The following ADGRB1 variants were observed in gnomAD, a reference collection of about 807,000 sequenced individuals.
ADGRB1 encodes the protein brain-specific angiogenesis inhibitor 1.
A neutral mutation model predicts 175.7 loss-of-function variants in ADGRB1; 36 were observed. The observed-to-expected ratio is 0.20, with a 90% CI of 0.16 to 0.27. The LOEUF (loss-of-function observed/expected upper bound fraction) is 0.27. Among genes scored for constraint, ADGRB1 ranks in the 10% least tolerant of loss-of-function variants. The probability of loss-of-function intolerance (pLI) is 1.00; values close to 1 mark genes in which losing one functional copy is unlikely to be tolerated. For synonymous variants in ADGRB1, 1,054 were observed against 979.4 expected, an observed-to-expected ratio of 1.08 and a Z score of -1.42; for missense variants, 1,731 against 2,255.3, an observed-to-expected ratio of 0.77 and a Z score of 4.71.
At chr8:142,484,086 G>T (rs772811409) in intron 12 of ADGRB1, 41 bp downstream of exon 12, 20 of 1,571,972 alleles carry the variant, frequency 1.3e-5, no homozygotes, top group Non-Finnish European at 1.7e-5. Context: ...CTCAGGAGGG[G>T]TGCAGGCACA....
rs374154691 is a variant in ADGRB1, at chr8:142,478,231, G to T, written c.1432G>T (p.Ala478Ser). 7 of 1,607,752 alleles carry T rather than the reference G, an allele frequency of 4.4e-6. No homozygotes were observed. The highest frequency in any genetic ancestry group is 5.1e-6 in the Non-Finnish European group (6 of 1,177,890). ...GNWNEWSSWS[A>S]CSASCSQGRQ... Reference sequence around the variant, plus strand: ...CTGGAATGAGTGGTCGAGCTGGAGCGCCTGCTCCGCCAGCTGCTCCCAGGG... The same window carrying T: ...CTGGAATGAGTGGTCGAGCTGGAGCTCCTGCTCCGCCAGCTGCTCCCAGGG... The change falls in exon 7 of 31, where the codon GCC (alanine) becomes TCC (serine). Residue 478 changes from alanine to serine, a missense_variant. Physicochemically the swap from Ala to Ser is moderately conservative, Grantham distance 99. Transcript: ENST00000517894.
chr8:142,522,803 C>T (rs569261698), intron 22 of ADGRB1, 93 bp downstream of exon 22: 9 of 1,276,820 alleles, frequency 7.0e-6, no homozygotes, highest in Non-Finnish European at 9.3e-6. Flanking sequence ...ATGCCCTCCC[C>T]CCGTGTGACC....
intron 17 of ADGRB1, among the ~76,000 whole-genome samples, chr8:142,509,216 C>A (rs1842964997): frequency 6.6e-6 from 1 of 152,206 alleles, no homozygotes. Flanking sequence ...GACATGGGCA[C>A]TGGTGACCCA....
chr8:142,484,532 G>C (rs886374641), intron 12 of ADGRB1, 124 bp from the exon 13 acceptor site: 1 of 1,018,782 alleles, frequency 9.8e-7, no homozygotes, highest in Non-Finnish European at 1.4e-6. Flanking sequence ...GAGGTCACCA[G>C]CCCCACTTCC....
At chr8:142,520,291 G>A (rs1843716399) in intron 19 of ADGRB1, among the ~76,000 whole-genome samples, 1 of 127,920 alleles carries the variant, frequency 7.8e-6, no homozygotes, top group African/African-American at 2.8e-5. Context: ...TGATTGTGAT[G>A]ATGATAGTGG....
intron 16 of ADGRB1, among the ~76,000 whole-genome samples, chr8:142,490,224 G>C (rs1007815503): frequency 7.9e-5 from 12 of 152,200 alleles, no homozygotes; most frequent in African/African-American, 2.9e-4. Context: ...AATAGGGCTG[G>C]GTGAGGACTG....
At chr8:142,531,989 G>A (rs1391539184) in intron 24 of ADGRB1, among the ~76,000 whole-genome samples, 2 of 152,152 alleles carry the variant, frequency 1.3e-5, no homozygotes, top group Non-Finnish European at 2.9e-5. Flanking sequence ...GGAGCAGAGC[G>A]TGTGGTTTTG....
At position 142,537,163 on chromosome 8, in the gene ADGRB1, C is replaced by T; in HGVS notation, c.3666+81C>T. 1 of 1,144,216 alleles carries T rather than the reference C, an allele frequency of 8.7e-7. No homozygotes were observed. Among genetic ancestry groups the T allele is most frequent in the Non-Finnish European group, 1.2e-6 (1 of 854,248 alleles). 70.9% of individuals were successfully genotyped at this position (1,144,216 alleles called of 1,614,324 possible). On this transcript the variant is annotated intron_variant, in intron 26 of 30. Transcript: ENST00000517894. The surrounding 1 kb of genome is among the most constrained non-coding windows in gnomAD (Gnocchi z 4.6). ...AGTGCCTCCAGGCCCTCACCGTGCC[C>T]CAAGCTCCCCTAGGCCCCAGCAACC...
At position 142,537,043 on chromosome 8, in the gene ADGRB1, C is replaced by T; in HGVS notation, c.3627C>T (p.Asp1209=). The T allele has an allele frequency of 6.3e-7, 1 of 1,584,276 alleles. No individual in the cohort carries two copies. Among genetic ancestry groups the T allele is most frequent in the Non-Finnish European group, 8.6e-7 (1 of 1,165,672 alleles). ...VVDRQEEGNG[D]SGGSFQNGHA... Reference sequence around the variant, plus strand: ...ACCGGCAGGAGGAGGGCAACGGGGACTCAGGGGGCTCCTTCCAGAACGGCC... The same window carrying T: ...ACCGGCAGGAGGAGGGCAACGGGGATTCAGGGGGCTCCTTCCAGAACGGCC... Residue 1209 remains aspartate, a synonymous_variant, in exon 26 of 31, where the codon GAC becomes GAT. Transcript: ENST00000517894. The surrounding 1 kb of genome is among the most constrained non-coding windows in gnomAD (Gnocchi z 4.6).
intron 24 of ADGRB1, among the ~76,000 whole-genome samples, chr8:142,528,782 C>T (rs1306075517): frequency 3.3e-5 from 5 of 152,216 alleles, no homozygotes; most frequent in Admixed American, 2.6e-4. Flanking sequence ...CCACTCCCGT[C>T]CCCCCGATCC....
rs114218986 is a variant in ADGRB1, at chr8:142,470,437, G to T, written c.785-5037G>T. 1.9e-3 allele frequency among the ~76,000 whole-genome samples: 293 copies of T among 151,630 alleles called. 4 individuals are homozygous for T. Among genetic ancestry groups the T allele is most frequent in the African/African-American group, 6.8e-3 (283 of 41,326 alleles). The stretch of plus-strand genomic sequence containing the variant: ...TATGTGTCCCCGTGTGGTGTGTGTG[G>T]AGCCATTTTTTGCACAAGGAGGGAC... On this transcript the variant is annotated intron_variant, in intron 2 of 30. Coordinates refer to ENST00000517894, the MANE Select transcript of ADGRB1 (RefSeq NM_001702.3).
rs182569733 is a variant in ADGRB1 at position 142,455,151 on chromosome 8, G to T, written c.-220+5047G>T. Among the ~76,000 whole-genome samples the T allele has an allele frequency of 6.5e-5, 6 of 92,388 alleles. No individual in the cohort carries two copies. In the Admixed American group the frequency reaches 7.2e-4, roughly 11 times the overall value. The allele number at this position is 92,388 out of a possible 152,430, so 60.6% of individuals were successfully genotyped here. A position where few individuals can be genotyped will look rare whatever the true frequency, so the allele number is the denominator to read the frequency against. On this transcript the variant is annotated intron_variant, in intron 1 of 30. Transcript: ENST00000517894. The surrounding 1 kb of genome is among the most constrained non-coding windows in gnomAD (Gnocchi z 4.9). Reference sequence around the variant, plus strand: ...CATTGCCCCCGAGGCTACCTCAGCCGCACCCTGCCGCCGGCACCACACTGC... The same window carrying T: ...CATTGCCCCCGAGGCTACCTCAGCCTCACCCTGCCGCCGGCACCACACTGC...
In ADGRB1 at chr8:142,539,495, C is replaced by T. The variant is rs934810091; in HGVS notation, c.3706+82C>T. The stretch of plus-strand genomic sequence containing the variant: ...TCCACGCCTCCGCCTGTGCCTCCCC[C>T]ACATCACCCATCCCTGTCCACTCCT... On this transcript the variant is annotated intron_variant, in intron 27 of 30. Transcript: ENST00000517894. 6 of 1,505,042 alleles carry T rather than the reference C, an allele frequency of 4.0e-6. No individual in the cohort carries two copies. The African/African-American group carries it at 5.5e-5, about 14-fold the overall frequency. The allele number at this position is 1,505,042 out of a possible 1,614,324, so 93.2% of individuals were successfully genotyped here.
chr8:142,491,350 A>G (rs1196340243), intron 17 of ADGRB1, among the ~76,000 whole-genome samples: 1 of 152,184 alleles, frequency 6.6e-6, no homozygotes, highest in African/African-American at 2.4e-5. Context: ...GCACAGCTGG[A>G]GCAAGTTCCA....
At chr8:142,530,193 T>G (rs1844542419) in intron 24 of ADGRB1, among the ~76,000 whole-genome samples, 1 of 151,972 alleles carries the variant, frequency 6.6e-6, no homozygotes, top group South Asian at 2.1e-4. Context: ...GTGAGCATTG[T>G]GTATGTGGGA....
rs1010067375 is a variant in ADGRB1 at position 142,504,076 on chromosome 8, C to T, written c.2676-6856C>T. Reference sequence around the variant, plus strand: ...TGGGTTCAGTAAGACCCAGGTCAGGCAGGTGTTCAAATGCCAAGGTCGATG... The same window carrying T: ...TGGGTTCAGTAAGACCCAGGTCAGGTAGGTGTTCAAATGCCAAGGTCGATG... On this transcript the variant is annotated intron_variant, in intron 17 of 30. Transcript: ENST00000517894. This position sits in a 1 kb window ranked among gnomAD's most constrained non-coding sequence, Gnocchi z 5.6. 6.6e-6 allele frequency among the ~76,000 whole-genome samples: 1 copy of T among 152,198 alleles called. No individual in the cohort carries two copies. Among genetic ancestry groups the T allele is most frequent in the Non-Finnish European group, 1.5e-5 (1 of 68,024 alleles).
In ADGRB1 at chr8:142,536,990, C is replaced by A; in HGVS notation, c.3574C>A (p.Gln1192Lys). The change falls in exon 26 of 31, where the codon CAG becomes AAG. Residue 1192 changes from glutamine to lysine, a missense_variant. Gln to Lys is a moderately conservative substitution (Grantham distance 53). This residue lies in a region of ADGRB1 where 301 missense variants were observed against 488.4 expected (regional missense o/e 0.62). Transcript: ENST00000517894. ...MVHCILRREV[Q>K]DAVKCRVVDR... ...GTGCTCGGCTCTCCCTCCCCAGGTC[C>A]AGGACGCTGTGAAATGCCGTGTGGT... 1 of 1,587,892 alleles carries A rather than the reference C, an allele frequency of 6.3e-7. No individual in the cohort carries two copies. Among genetic ancestry groups the A allele is most frequent in the Non-Finnish European group, 8.6e-7 (1 of 1,168,124 alleles).
Position 142,511,154 on chromosome 8 carries a change from G to C in ADGRB1, c.2817+81G>C. ...CTGCCGGCGGGCCTGCGGGTGGGGA[G>C]GGCCCGCACCCGTCCTGTCCCGGAG... On this transcript the variant is annotated intron_variant, in intron 18 of 30. Coordinates refer to ENST00000517894, the MANE Select transcript of ADGRB1 (RefSeq NM_001702.3). This position sits in a 1 kb window ranked among gnomAD's most constrained non-coding sequence, Gnocchi z 4.5. 1.0e-6 allele frequency: 1 copy of C among 987,174 alleles called. No homozygotes were observed. The highest frequency in any genetic ancestry group is 1.2e-6 in the Non-Finnish European group (1 of 820,902). The allele number at this position is 987,174 out of a possible 1,614,324, so 61.2% of individuals were successfully genotyped here.
At chr8:142,460,294 C>T (rs902535175) in intron 1 of ADGRB1, among the ~76,000 whole-genome samples, 5 of 152,200 alleles carry the variant, frequency 3.3e-5, no homozygotes, top group African/African-American at 1.2e-4. Flanking sequence ...AGGCCCGTGC[C>T]CACTGGCAGG....
Sources: allele counts gnomAD v4.1 joint callset (sites outside exome capture counted in the v4.1 genomes callset), GRCh38; gene constraint gnomAD v4.1.1; regional missense constraint gnomAD v4.1.1; non-coding constraint Gnocchi (gnomAD v3.1); transcripts MANE v1.5; gene names NCBI Gene and HGNC (gene_info 2026-07-23, HGNC 2026-07-21).